The following NOX3 variants were observed in gnomAD, a reference collection of about 807,000 sequenced individuals.
The protein encoded by NOX3 is NADPH oxidase 3, also known as NADPH oxidase catalytic subunit-like 3.
NOX3 carries 74 observed loss-of-function variants against 76.7 expected under a neutral mutation model. That is an observed-to-expected ratio of 0.96 (90% CI 0.80 to 1.17). NOX3 has a LOEUF of 1.17. NOX3 is among the 50% of genes most tolerant of loss of function. NOX3 has a pLI of 0.00. For missense variants in NOX3, 695 were observed against 703.3 expected, an observed-to-expected ratio of 0.99 and a Z score of 0.13; for synonymous variants, 263 against 261.1, an observed-to-expected ratio of 1.01 and a Z score of -0.07.
rs781197809 is a variant in NOX3 at position 155,453,535 on chromosome 6, A to G, written c.256-47T>C. 11 of 1,394,746 alleles carry G rather than the reference A, an allele frequency of 7.9e-6. No homozygotes were observed. In the South Asian group the frequency reaches 1.0e-4, roughly 13 times the overall value. The allele number at this position is 1,394,746 out of a possible 1,614,324, so 86.4% of individuals were successfully genotyped here. On this transcript the variant is annotated intron_variant, in intron 3 of 13. Transcript: ENST00000159060. ...CCTGATTTATGGAAAAATTGCAGTG[A>G]AAACAATCTCATGAAAGTTAAGAGA...
At chr6:155,438,666 C>G (rs188677966) in intron 6 of NOX3, among the ~76,000 whole-genome samples, 1 of 152,170 alleles carries the variant, frequency 6.6e-6, no homozygotes, top group African/African-American at 2.4e-5. Flanking sequence ...AATCCCAAAG[C>G]GTTGTCTGTG....
intron 4 of NOX3, among the ~76,000 whole-genome samples, chr6:155,446,676 G>A (rs1052331326): frequency 1.3e-5 from 2 of 152,130 alleles, no homozygotes; most frequent in Non-Finnish European, 2.9e-5. Context: ...TTTTCTATGG[G>A]CTTAGATAAA....
intron 10 of NOX3, among the ~76,000 whole-genome samples, chr6:155,412,957 C>T (rs1470515008): frequency 3.9e-5 from 6 of 152,146 alleles, no homozygotes; most frequent in Non-Finnish European, 8.8e-5. Flanking sequence ...CATGCAGAAA[C>T]CCCAGGCGGG....
chr6:155,428,874 T>C lies in NOX3; in HGVS notation c.1065A>G (p.Ala355=), dbSNP rs1369451550. 3 of 1,612,532 alleles carry C rather than the reference T, an allele frequency of 1.9e-6. No homozygotes were observed. Among genetic ancestry groups the C allele is most frequent in the Non-Finnish European group, 2.5e-6 (3 of 1,179,016 alleles). The change falls in exon 9 of 14, where the codon GCA becomes GCG. Residue 355 remains alanine (A), a synonymous_variant. Coordinates refer to ENST00000159060, the MANE Select transcript of NOX3 (RefSeq NM_015718.3). ...GTAGCGCTGCTGTCCAGTCTCCTGC[T>C]GCCCGGATGTGCACGCTGAAAAAGT... ...QEDFFSVHIR[A]AGDWTAALLE... is the part of the protein sequence containing the mutation.
At chr6:155,409,480 A>T (rs1234330216) in intron 11 of NOX3, among the ~76,000 whole-genome samples, 1 of 152,156 alleles carries the variant, frequency 6.6e-6, no homozygotes, top group East Asian at 1.9e-4. Flanking sequence ...ACCGCCAATC[A>T]CTGATGTTCA....
At chr6:155,397,048 T>G in intron 12 of NOX3, 86 bp from the exon 13 acceptor site, 2 of 1,268,408 alleles carry the variant, frequency 1.6e-6, no homozygotes. Flanking sequence ...ATTAATGAAG[T>G]GGTTGTGGCT....
At position 155,455,102 on chromosome 6, in the gene NOX3, G is replaced by C; in HGVS notation, c.76C>G (p.Leu26Val). ...TACCAGTAGAACGTGTCAATAAACAGATAAAAATTTATTCCCAGCCATGAG... is the reference window on the plus strand; with the variant it reads ...TACCAGTAGAACGTGTCAATAAACACATAAAAATTTATTCCCAGCCATGAG... ...VLSWLGINFY[L>V]FIDTFYWYEE... Residue 26 changes from leucine to valine, a missense_variant, in exon 2 of 14, where the codon CTG (leucine) becomes GTG (valine). Transcript: ENST00000159060. 1 of 1,612,192 alleles carries C rather than the reference G, an allele frequency of 6.2e-7. No individual in the cohort carries two copies.
Position 155,422,819 on chromosome 6 carries a change from C to T in NOX3, c.1183G>A (p.Asp395Asn), listed in dbSNP as rs756234828. ...ACACACACTGGGTAGTGAAATACATCTGTCAGGGCAGTTCCAAAGGGCCCG... is the reference window on the plus strand; with the variant it reads ...ACACACACTGGGTAGTGAAATACATTTGTCAGGGCAGTTCCAAAGGGCCCG... ...VDGPFGTALT[D>N]VFHYPVCVCV... The change falls in exon 10 of 14, where the codon GAT (aspartate) becomes AAT (asparagine). Residue 395 changes from aspartate (D) to asparagine (N), a missense_variant. By Grantham distance (23) the Asp-to-Asn change is conservative. Coordinates refer to ENST00000159060, the MANE Select transcript of NOX3 (RefSeq NM_015718.3). 2 of 1,614,190 alleles carry T rather than the reference C, an allele frequency of 1.2e-6. No homozygotes were observed. Among genetic ancestry groups the T allele is most frequent in the Non-Finnish European group, 1.7e-6 (2 of 1,180,016 alleles).
chr6:155,421,305 A>C (rs1380554782), intron 10 of NOX3, among the ~76,000 whole-genome samples: 1 of 152,152 alleles, frequency 6.6e-6, no homozygotes, highest in African/African-American at 2.4e-5. Flanking sequence ...GCCTTGTGTT[A>C]CTTACTTTAT....
intron 11 of NOX3, among the ~76,000 whole-genome samples, chr6:155,410,485 G>T (rs11964062): frequency 0.015 from 2,311 of 152,246 alleles, 52 homozygotes; most frequent in African/African-American, 0.052. Flanking sequence ...TCACTTCGTT[G>T]TTAATTCCCC....
intron 5 of NOX3, 46 bp downstream of exon 5, chr6:155,443,227 G>A (rs1777017126): frequency 6.3e-7 from 1 of 1,582,928 alleles, no homozygotes; most frequent in East Asian, 2.3e-5. Flanking sequence ...GACTGGAAAA[G>A]GACGGATTTT....
Position 155,396,693 on chromosome 6 carries a change from A to G in NOX3, c.*27+116T>C, listed in dbSNP as rs572975533. On this transcript the variant is annotated intron_variant, in intron 13 of 13. Coordinates refer to ENST00000159060, the MANE Select transcript of NOX3 (RefSeq NM_015718.3). ...GGCAATGTTGGCACTTTACAATGGC[A>G]GAGTTCAGTAGTTGAGAGTCGGACC... is the stretch of plus-strand genomic sequence containing the variant. 13 of 681,980 alleles carry G rather than the reference A, an allele frequency of 1.9e-5. No homozygotes were observed. The South Asian group carries it at 4.5e-4, about 23-fold the overall frequency. 42.2% of individuals were successfully genotyped at this position (681,980 alleles called of 1,614,324 possible). A position where few individuals can be genotyped will look rare whatever the true frequency, so the allele number is the denominator to read the frequency against.
rs144705857 is a variant in NOX3, at chr6:155,398,635, G to A, written c.1581-1673C>T. 9.0e-3 allele frequency among the ~76,000 whole-genome samples: 1,368 copies of A among 152,314 alleles called. 15 individuals carry two copies. The highest frequency in any genetic ancestry group is 0.011 in the Admixed American group (175 of 15,294). On this transcript the variant is annotated intron_variant, in intron 12 of 13. Transcript: ENST00000159060. The stretch of plus-strand genomic sequence containing the variant: ...CATTCCCATGGCTAAATTTGAGAAA[G>A]TAATTTTTCAGAAAATATTTCCCAT...
intron 5 of NOX3, among the ~76,000 whole-genome samples, chr6:155,441,502 G>C (rs1244142018): frequency 2.0e-5 from 3 of 152,094 alleles, no homozygotes; most frequent in Non-Finnish European, 4.4e-5. Context: ...TTATAGACTG[G>C]TTACAGTTGC....
chr6:155,445,590 C>T (rs940566411), intron 4 of NOX3, among the ~76,000 whole-genome samples: 1 of 152,108 alleles, frequency 6.6e-6, no homozygotes, highest in African/African-American at 2.4e-5. Context: ...TGACTTCTAT[C>T]ACACATTCTT....
At position 155,407,215 on chromosome 6, in the gene NOX3, C is replaced by A; in HGVS notation, c.1495G>T (p.Val499Leu). 3 of 1,613,686 alleles carry A rather than the reference C, an allele frequency of 1.9e-6. No homozygotes were observed. The African/African-American group carries it at 4.0e-5, about 22-fold the overall frequency. Residue 499 changes from valine to leucine, a missense_variant, in exon 12 of 14, where the codon GTG becomes TTG. By Grantham distance (32) the Val-to-Leu change is conservative. Coordinates refer to ENST00000159060, the MANE Select transcript of NOX3 (RefSeq NM_015718.3). ...GTCTTCTGCTTTAAGCCTGTAATCACGTCAGTATTTTCGTCCCAGTGTAAA... is the reference window on the plus strand; with the variant it reads ...GTCTTCTGCTTTAAGCCTGTAATCAAGTCAGTATTTTCGTCCCAGTGTAAA... Reference protein sequence around the residue: ...IALHWDENTDVITGLKQKTFY... With the variant: ...IALHWDENTDLITGLKQKTFY...
chr6:155,445,494 T>G (rs1229008228), intron 4 of NOX3, among the ~76,000 whole-genome samples: 1 of 152,196 alleles, frequency 6.6e-6, no homozygotes, highest in Admixed American at 6.5e-5. Flanking sequence ...TGCAACCTCT[T>G]TTCTTTGTCA....
At chr6:155,421,445 C>T (rs1776687641) in intron 10 of NOX3, among the ~76,000 whole-genome samples, 1 of 148,670 alleles carries the variant, frequency 6.7e-6, no homozygotes, top group Non-Finnish European at 1.5e-5. Context: ...ATCTTCTAGC[C>T]CTCATTGCCT....
chr6:155,451,907 C>T (rs889717207), intron 4 of NOX3, among the ~76,000 whole-genome samples: 3 of 152,160 alleles, frequency 2.0e-5, no homozygotes, highest in Admixed American at 6.5e-5. Context: ...GGATTATAGG[C>T]GTAAACCACC....
Sources: gnomAD v4.1 joint callset for allele counts (sites outside exome capture counted in the v4.1 genomes callset) on GRCh38, gnomAD v4.1.1 for gene constraint, MANE v1.5 for transcripts, NCBI Gene and HGNC (gene_info 2026-07-23, HGNC 2026-07-21) for gene names.